The following MMS19 variants were observed in gnomAD, a reference collection of about 807,000 sequenced individuals.
MMS19 encodes the protein MMS19 nucleotide excision repair protein homolog.
MMS19 carries 77 observed loss-of-function variants against 129.8 expected under a neutral mutation model. The observed-to-expected ratio is 0.59, with a 90% confidence interval of 0.49 to 0.72. MMS19 has a LOEUF of 0.72. Ranked by LOEUF, MMS19 falls within the 30% of genes least tolerant of loss-of-function variation. The probability of loss-of-function intolerance (pLI) is 0.00; values close to 1 mark genes in which losing one functional copy is unlikely to be tolerated. For missense variants in MMS19, 1,168 were observed against 1,266.3 expected, an observed-to-expected ratio of 0.92 and a Z score of 1.18; for synonymous variants, 491 against 502.8, an observed-to-expected ratio of 0.98 and a Z score of 0.31.
intron 20 of MMS19, among the ~76,000 whole-genome samples, 183 bp from the exon 21 acceptor site, chr10:97,462,302 C>G (rs1393821091): frequency 1.3e-5 from 2 of 152,232 alleles, no homozygotes; most frequent in Non-Finnish European, 2.9e-5. Flanking sequence ...CATTTCCATT[C>G]AGGTTCCCAT....
chr10:97,485,469 C>T (rs187217260), intron 1 of MMS19, among the ~76,000 whole-genome samples: 69 of 152,272 alleles, frequency 4.5e-4, no homozygotes, highest in Middle Eastern at 6.8e-3. Context: ...CCCACCACCA[C>T]GCCTGGCTAA....
upstream of MMS19, chr10:97,498,432 C>A: frequency 6.4e-7 from 1 of 1,553,694 alleles, no homozygotes; most frequent in Non-Finnish European, 8.6e-7. Context: ...TGGCTCGAGA[C>A]GGGCTCTCCG....
In MMS19 at chr10:97,498,375, C is replaced by T. The variant is rs576915224; in HGVS notation, c.10G>A (p.Ala4Thr). Residue 4 changes from alanine (A) to threonine (T), a missense_variant, in exon 1 of 31, where the codon GCC becomes ACC. Coordinates refer to ENST00000438925, the MANE Select transcript of MMS19 (RefSeq NM_022362.5). MAAAAAVEAAAPMG... is the reference protein window; with the variant it reads MAATAAVEAAAPMG... The stretch of plus-strand genomic sequence containing the variant: ...GGCGCCGCCGCCTCCACAGCCGCGG[C>T]AGCGGCCATAACGCGAACTAGAGAC... 4.0e-5 allele frequency: 63 copies of T among 1,578,838 alleles called. No individual in the cohort carries two copies. Among genetic ancestry groups the T allele is most frequent in the African/African-American group, 2.0e-4 (15 of 74,500 alleles).
upstream of MMS19, chr10:97,498,536 G>C: frequency 9.3e-7 from 1 of 1,078,562 alleles, no homozygotes; most frequent in East Asian, 2.9e-5. Flanking sequence ...CAGTTCCAGG[G>C]AGGGGCGGGG....
chr10:97,467,514 C>T lies in MMS19; in HGVS notation c.1288G>A (p.Glu430Lys). The change falls in exon 14 of 31, where the codon GAA (glutamate) becomes AAA (lysine). Residue 430 changes from glutamate to lysine, a missense_variant. By Grantham distance (56) the Glu-to-Lys change is moderately conservative. Coordinates refer to ENST00000438925, the MANE Select transcript of MMS19 (RefSeq NM_022362.5). ...TGGAAGGCAACCTCACCTTTGTCTT[C>T]ATAGCTCCATTTCTGCTGCAGCTTC... is the stretch of plus-strand genomic sequence containing the variant. Reference protein sequence around the residue: ...FLKLQQKWSYEDKDQRPLNGF... With the variant: ...FLKLQQKWSYKDKDQRPLNGF... The T allele has an allele frequency of 3.7e-6, 6 of 1,613,722 alleles. No individual in the cohort carries two copies. The highest frequency in any genetic ancestry group is 5.1e-6 in the Non-Finnish European group (6 of 1,179,676).
chr10:97,492,530 C>T (rs1470302835), intron 1 of MMS19, among the ~76,000 whole-genome samples: 2 of 149,746 alleles, frequency 1.3e-5, no homozygotes, highest in Non-Finnish European at 3.0e-5. Context: ...GATAATAAAG[C>T]TATTACAAGA....
chr10:97,469,626 T>A lies in MMS19; in HGVS notation c.924+20A>T. On this transcript the variant is annotated intron_variant, in intron 11 of 30. Coordinates refer to ENST00000438925, the MANE Select transcript of MMS19 (RefSeq NM_022362.5). ...ACAATTGAAAGTTAACAGTAGTGAG[T>A]TTATCTGAGTGACACTCACCTCTCT... 3 of 1,598,902 alleles carry A rather than the reference T, an allele frequency of 1.9e-6. No homozygotes were observed. Among genetic ancestry groups the A allele is most frequent in the Non-Finnish European group, 2.6e-6 (3 of 1,166,292 alleles).
chr10:97,476,480 C>A (rs751778836), intron 8 of MMS19, among the ~76,000 whole-genome samples: 3 of 152,174 alleles, frequency 2.0e-5, no homozygotes, highest in Non-Finnish European at 4.4e-5. Flanking sequence ...TGTTAAGGAG[C>A]TTAAGAATTC....
At chr10:97,462,201 G>C (rs1194824380) in intron 20 of MMS19, 82 bp from the exon 21 acceptor site, 2 of 985,520 alleles carry the variant, frequency 2.0e-6, no homozygotes, top group Non-Finnish European at 3.1e-6. Flanking sequence ...TTTCAACCTA[G>C]GGTTTGAATT....
chr10:97,466,199 C>A, intron 16 of MMS19, 40 bp from the exon 17 acceptor site: 5 of 1,486,448 alleles, frequency 3.4e-6, no homozygotes, highest in Non-Finnish European at 4.6e-6. Flanking sequence ...TGAGCCTGGG[C>A]TCACAGCTCT....
chr10:97,460,653 T>C (rs1213479709), intron 25 of MMS19, 42 bp downstream of exon 25: 4 of 1,516,536 alleles, frequency 2.6e-6, no homozygotes, highest in Admixed American at 1.9e-5. Context: ...ACCAGAAAGT[T>C]TGTTTAGGTC....
intron 1 of MMS19, among the ~76,000 whole-genome samples, chr10:97,486,890 T>TATATATATATATATAC (rs1318882121): frequency 8.0e-6 from 1 of 124,612 alleles, no homozygotes; most frequent in Admixed American, 8.4e-5. Flanking sequence ...TATATATATA[T>TATATATATATATATAC]ATATAAAATT....
intron 3 of MMS19, chr10:97,480,263 G>A (rs533493560): frequency 7.3e-5 from 34 of 463,776 alleles, no homozygotes; most frequent in African/African-American, 3.0e-4. Flanking sequence ...TGTGGCAGGC[G>A]GAGTTCCCTC....
Position 97,458,540 on chromosome 10 carries a change from T to G in MMS19, c.*152A>C. ...CTAGAAATATGGACTCTTATGTTCT[T>G]TGTACAGCCATGCAACAGAGGCCTA... On this transcript the variant is annotated 3_prime_UTR_variant, in exon 31 of 31. Coordinates refer to ENST00000438925, the MANE Select transcript of MMS19 (RefSeq NM_022362.5). 1 of 702,220 alleles carries G rather than the reference T, an allele frequency of 1.4e-6. No individual in the cohort carries two copies. The highest frequency in any genetic ancestry group is 2.4e-6 in the Non-Finnish European group (1 of 425,106). The allele number at this position is 702,220 out of a possible 1,614,324, so 43.5% of individuals were successfully genotyped here. A position where few individuals can be genotyped will look rare whatever the true frequency, so the allele number is the denominator to read the frequency against.
chr10:97,469,146 C>G lies in MMS19; in HGVS notation c.925-42G>C, dbSNP rs777742538. On this transcript the variant is annotated intron_variant, in intron 11 of 30. Coordinates refer to ENST00000438925, the MANE Select transcript of MMS19 (RefSeq NM_022362.5). The stretch of plus-strand genomic sequence containing the variant: ...CCATGGCTACTGAGGTGAGCCTGCA[C>G]CAGATGAGACCCCACCAATCCACTG... The G allele has an allele frequency of 2.6e-6, 4 of 1,540,688 alleles. No individual in the cohort carries two copies. In the South Asian group the frequency reaches 4.8e-5, roughly 18 times the overall value.
intron 8 of MMS19, among the ~76,000 whole-genome samples, chr10:97,471,595 C>T (rs1252573387): frequency 2.0e-5 from 3 of 152,128 alleles, no homozygotes; most frequent in Middle Eastern, 3.2e-3. Context: ...AGTGCAACCT[C>T]CACCTCCTAG....
intron 10 of MMS19, 29 bp downstream of exon 10, chr10:97,470,100 T>A (rs1195261786): frequency 1.3e-6 from 2 of 1,497,288 alleles, no homozygotes; most frequent in Non-Finnish European, 9.2e-7. Context: ...AAAAGGTAGC[T>A]GGGTCCTGCA....
chr10:97,469,573 C>G, intron 11 of MMS19, 73 bp downstream of exon 11: 1 of 1,259,170 alleles, frequency 7.9e-7, no homozygotes, highest in African/African-American at 1.5e-5. Context: ...GGGAAAAGGA[C>G]AGGATGTATT....
intron 1 of MMS19, among the ~76,000 whole-genome samples, chr10:97,495,016 T>C (rs191826022): frequency 8.5e-5 from 13 of 152,288 alleles, no homozygotes; most frequent in African/African-American, 3.1e-4. Context: ...GGTTGAGAAA[T>C]AAGTGCGTAC....
Sources: allele counts gnomAD v4.1 joint callset (sites outside exome capture counted in the v4.1 genomes callset), GRCh38; gene constraint gnomAD v4.1.1; transcripts MANE v1.5; gene names NCBI Gene and HGNC (gene_info 2026-07-23, HGNC 2026-07-21).